The following MGAT4C variants were observed in gnomAD, a reference collection of about 807,000 sequenced individuals.
MGAT4C encodes the protein alpha-1,3-mannosyl-glycoprotein 4-beta-N-acetylglucosaminyltransferase C.
A neutral mutation model predicts 40.1 loss-of-function variants in MGAT4C; 19 were observed. That is an observed-to-expected ratio of 0.47 (90% CI 0.33 to 0.70). MGAT4C has a LOEUF of 0.70. MGAT4C is among the 30% of genes least tolerant of loss of function. The pLI is 0.02. For synonymous variants in MGAT4C, 181 were observed against 187.1 expected, an observed-to-expected ratio of 0.97 and a Z score of 0.27; for missense variants, 491 against 563.2, an observed-to-expected ratio of 0.87 and a Z score of 1.30.
intron 1 of MGAT4C, among the ~76,000 whole-genome samples, chr12:86,214,712 T>G (rs912979896): frequency 5.3e-5 from 8 of 152,178 alleles, no homozygotes; most frequent in Non-Finnish European, 1.5e-5. Context: ...GATAACTTCC[T>G]AAAGAGCACA....
intron 2 of MGAT4C, among the ~76,000 whole-genome samples, chr12:86,046,765 TA>T (rs1892435867): frequency 6.6e-6 from 1 of 152,150 alleles, no homozygotes; most frequent in African/African-American, 2.4e-5. Flanking sequence ...TCTGTCACAA[TA>T]CACAGTGAAG....
Position 85,975,056 on chromosome 12 carries a change from A to C in MGAT4C, c.*4233T>G, listed in dbSNP as rs1318837894. On this transcript the variant is annotated 3_prime_UTR_variant, in exon 5 of 5. Coordinates refer to ENST00000611864, the MANE Select transcript of MGAT4C (RefSeq NM_001351288.2). ...TTTGTTTTTCAATGTAAATGGATCA[A>C]GATTTCTTAAAACAGAAATGAATAT... The C allele has an allele frequency of 6.6e-6, 1 of 150,986 alleles. No individual in the cohort carries two copies. Among genetic ancestry groups the C allele is most frequent in the Non-Finnish European group, 1.5e-5 (1 of 67,128 alleles). The allele number at this position is 150,986 out of a possible 1,614,324, so 9.4% of individuals were successfully genotyped here.
intron 1 of MGAT4C, among the ~76,000 whole-genome samples, chr12:86,248,563 TACAG>T (rs1952138960): frequency 6.6e-6 from 1 of 152,172 alleles, no homozygotes; most frequent in African/African-American, 2.4e-5. Flanking sequence ...ATATTAAAGA[TACAG>T]GCAAGTGAGA....
At chr12:85,999,728 A>T (rs770212554) in intron 2 of MGAT4C, among the ~76,000 whole-genome samples, 88 of 152,244 alleles carry the variant, frequency 5.8e-4, no homozygotes, top group Non-Finnish European at 1.0e-3. Flanking sequence ...GCAGCAACAC[A>T]GATGAAACCA....
chr12:86,433,319 TACAC>T (rs1957076455), intron 3 of MGAT4C, among the ~76,000 whole-genome samples: 1 of 146,546 alleles, frequency 6.8e-6, no homozygotes, highest in Non-Finnish European at 1.5e-5. Context: ...TGTGCATACA[TACAC>T]ACATTCACAC....
chr12:86,280,607 A>G (rs911504105), intron 4 of MGAT4C, among the ~76,000 whole-genome samples: 2 of 151,682 alleles, frequency 1.3e-5, no homozygotes, highest in East Asian at 1.9e-4. Context: ...ATTTCATTAT[A>G]TAGATTTGTT....
At chr12:86,247,711 T>C (rs1049636224) in intron 1 of MGAT4C, among the ~76,000 whole-genome samples, 3 of 152,088 alleles carry the variant, frequency 2.0e-5, no homozygotes, top group African/African-American at 7.2e-5. Flanking sequence ...TAAGGCTCAG[T>C]GGTGGAACTG....
chr12:86,224,076 A>G (rs1028537176), intron 1 of MGAT4C, among the ~76,000 whole-genome samples: 1 of 152,130 alleles, frequency 6.6e-6, no homozygotes, highest in African/African-American at 2.4e-5. Context: ...ACCTACTAAC[A>G]CTATGGCCAA....
At chr12:86,236,641 T>C (rs1435797342) in intron 1 of MGAT4C, among the ~76,000 whole-genome samples, 1 of 151,964 alleles carries the variant, frequency 6.6e-6, no homozygotes, top group African/African-American at 2.4e-5. Context: ...ATTAAGCCCA[T>C]ATGTGAATAT....
chr12:86,349,415 T>C (rs2136190649), intron 3 of MGAT4C, among the ~76,000 whole-genome samples: 2 of 152,278 alleles, frequency 1.3e-5, no homozygotes, highest in East Asian at 3.9e-4. Context: ...CCAACTATGA[T>C]CCTGCATTGT....
At chr12:85,986,780 A>G (rs187473451) in intron 3 of MGAT4C, among the ~76,000 whole-genome samples, 13 of 152,322 alleles carry the variant, frequency 8.5e-5, no homozygotes, top group Admixed American at 6.5e-4. Flanking sequence ...TTATTAAAAA[A>G]GAAATAAACA....
intron 3 of MGAT4C, among the ~76,000 whole-genome samples, chr12:86,393,327 C>T (rs1164588029): frequency 1.3e-5 from 2 of 151,908 alleles, no homozygotes; most frequent in African/African-American, 4.8e-5. Flanking sequence ...ATGTCTAATC[C>T]ACATGATGTA....
At position 86,755,573 on chromosome 12, in the gene MGAT4C, CT is replaced by C. The variant is rs371311124; in HGVS notation, c.-261-28333del. Among the ~76,000 whole-genome samples the C allele has an allele frequency of 4.2e-3, 637 of 150,044 alleles. 6 individuals carry two copies. The highest frequency in any genetic ancestry group is 8.0e-3 in the South Asian group (38 of 4,762). The stretch of plus-strand genomic sequence containing the variant: ...TTTTCTTTTCTCTTTTTCTTTCTTT[CT>C]TTTTTTTTCTTTTCTTTCTCTCTTT... On this transcript the variant is annotated intron_variant, in intron 1 of 7. Transcript: ENST00000548651.
chr12:86,112,278 C>T (rs187709098), intron 1 of MGAT4C, among the ~76,000 whole-genome samples: 8 of 151,700 alleles, frequency 5.3e-5, no homozygotes, highest in Admixed American at 2.6e-4. Context: ...TATGTAATCT[C>T]GCCTCTCTCT....
intron 4 of MGAT4C, among the ~76,000 whole-genome samples, chr12:86,324,443 AT>A (rs543409596): frequency 2.1e-3 from 318 of 151,810 alleles, no homozygotes; most frequent in Non-Finnish European, 3.8e-3. Context: ...ATTTTATTTT[AT>A]TTTGTTTGAT....
At chr12:86,446,549 C>CT (rs1592858283) in intron 2 of MGAT4C, among the ~76,000 whole-genome samples, 1 of 149,628 alleles carries the variant, frequency 6.7e-6, no homozygotes, top group Non-Finnish European at 1.5e-5. Context: ...TGTCTTATTG[C>CT]TTTTTTACTC....
At chr12:86,248,580 C>T (rs1288913441) in intron 1 of MGAT4C, among the ~76,000 whole-genome samples, 1 of 152,078 alleles carries the variant, frequency 6.6e-6, no homozygotes, top group Non-Finnish European at 1.5e-5. Context: ...AAGTGAGAAG[C>T]GGTTCCCTTC....
intron 2 of MGAT4C, among the ~76,000 whole-genome samples, chr12:86,698,625 CA>C (rs766457772): frequency 4.6e-5 from 7 of 151,390 alleles, no homozygotes; most frequent in East Asian, 1.9e-4. Context: ...AAAAAACTGT[CA>C]AAAAATTGCT....
chr12:86,780,167 G>C (rs1565985272), intron 1 of MGAT4C, among the ~76,000 whole-genome samples: 1 of 151,914 alleles, frequency 6.6e-6, no homozygotes, highest in Non-Finnish European at 1.5e-5. Flanking sequence ...CTTTGAAGTT[G>C]AATTTAGGCT....
Sources: allele counts gnomAD v4.1 joint callset (sites outside exome capture counted in the v4.1 genomes callset), GRCh38; gene constraint gnomAD v4.1.1; transcripts MANE v1.5; gene names NCBI Gene and HGNC (gene_info 2026-07-23, HGNC 2026-07-21).